The following TCF3 variants were observed in gnomAD, a reference collection of about 807,000 sequenced individuals.
The protein encoded by TCF3 is transcription factor E2-alpha.
A neutral mutation model predicts 72.3 loss-of-function variants in TCF3; 54 were observed. The observed-to-expected ratio is 0.75, with a 90% CI of 0.60 to 0.94. The LOEUF (loss-of-function observed/expected upper bound fraction) is 0.94, where lower values mean the gene tolerates loss of function less well. TCF3 is among the 40% of genes least tolerant of loss of function. The probability of loss-of-function intolerance (pLI) is 0.00; values close to 1 mark genes in which losing one functional copy is unlikely to be tolerated. For missense variants in TCF3, 1,078 were observed against 934.4 expected, an observed-to-expected ratio of 1.15 and a Z score of -2.00; for synonymous variants, 525 against 412.6, an observed-to-expected ratio of 1.27 and a Z score of -3.30.
chr19:1,621,069 T>G (rs770608264), intron 12 of TCF3, 23 bp from the exon 13 acceptor site: 1 of 1,522,558 alleles, frequency 6.6e-7, no homozygotes, highest in Non-Finnish European at 8.9e-7. Flanking sequence ...CCAGGAGAGA[T>G]GGGCGGTCAG....
chr19:1,619,158 T>G lies in TCF3; in HGVS notation c.1403A>C (p.Gln468Pro), dbSNP rs1392370792. The change falls in exon 16 of 19, where the codon CAG becomes CCG. Residue 468 changes from glutamine to proline, a missense_variant. By Grantham distance (76) the Gln-to-Pro change is moderately conservative. Transcript: ENST00000262965. ...AGACAGGTCAGGGAGGGTGCCTGGC[T>G]GGCTGGGGAGGGCCGCGTGGTTGTG... is the stretch of plus-strand genomic sequence containing the variant. Reference protein sequence around the residue: ...LMHNHAALPSQPGTLPDLSRP... With the variant: ...LMHNHAALPSPPGTLPDLSRP... 1 of 1,600,232 alleles carries G rather than the reference T, an allele frequency of 6.2e-7. No individual in the cohort carries two copies. Among genetic ancestry groups the G allele is most frequent in the Admixed American group, 1.7e-5 (1 of 60,000 alleles).
At chr19:1,637,364 C>G (rs1051810501) in intron 3 of TCF3, among the ~76,000 whole-genome samples, 1 of 152,196 alleles carries the variant, frequency 6.6e-6, no homozygotes, top group Non-Finnish European at 1.5e-5. Flanking sequence ...CCTTCTCCCC[C>G]AGAAGCAGGG....
chr19:1,619,000 G>GA (rs2061851790), intron 16 of TCF3, 111 bp downstream of exon 16: 1 of 1,531,278 alleles, frequency 6.5e-7, no homozygotes, highest in African/African-American at 1.4e-5. Flanking sequence ...GTCACCAGGT[G>GA]CCCCCACGGT....
rs1351326636 is a variant in TCF3, at chr19:1,622,042, C to T, written c.822+12G>A. ...CCTCCGCCCACCCCCTGCCCCCTGCCCTGGGTCCTACCATACGCTCGTGCT... is the reference window on the plus strand; with the variant it reads ...CCTCCGCCCACCCCCTGCCCCCTGCTCTGGGTCCTACCATACGCTCGTGCT... On this transcript the variant is annotated intron_variant, in intron 10 of 18. Transcript: ENST00000262965. The T allele has an allele frequency of 1.9e-6, 3 of 1,600,458 alleles. No homozygotes were observed. Among genetic ancestry groups the T allele is most frequent in the Admixed American group, 1.7e-5 (1 of 58,628 alleles).
rs372390194 is a variant in TCF3, at chr19:1,646,830, G to A, written c.73-403C>T. ...TTTACGTTTCAGCTCTGAAAAGTGA[G>A]AGGTTTACACTCAACAGGTGGACAT... On this transcript the variant is annotated intron_variant, in intron 2 of 18. Transcript: ENST00000262965. 5.0e-4 allele frequency among the ~76,000 whole-genome samples: 76 copies of A among 152,340 alleles called. 1 individual carries two copies. The East Asian group carries it at 8.3e-3, about 17-fold the overall frequency.
At chr19:1,644,756 A>G (rs1485322906) in intron 3 of TCF3, among the ~76,000 whole-genome samples, 1 of 152,130 alleles carries the variant, frequency 6.6e-6, no homozygotes, top group African/African-American at 2.4e-5. Flanking sequence ...GGTCCGTGCC[A>G]GGGCTGAGGG....
chr19:1,652,286 C>G lies in TCF3; in HGVS notation c.-40+14G>C, dbSNP rs2067254316. Reference sequence around the variant, plus strand: ...GGGGTACCGGGCGCGCCCCCCGCCCCCCGCCGGGCTCACCTGCTGGGCGCG... The same window carrying G: ...GGGGTACCGGGCGCGCCCCCCGCCCGCCGCCGGGCTCACCTGCTGGGCGCG... On this transcript the variant is annotated intron_variant, in intron 1 of 18. Coordinates refer to ENST00000262965, the MANE Select transcript of TCF3 (RefSeq NM_003200.5). 6.8e-6 allele frequency: 1 copy of G among 146,506 alleles called. No individual in the cohort carries two copies. The highest frequency in any genetic ancestry group is 2.1e-4 in the South Asian group (1 of 4,728). The allele number at this position is 146,506 out of a possible 1,614,324, so 9.1% of individuals were successfully genotyped here.
At chr19:1,611,890 G>A in intron 18 of TCF3, 41 bp from the exon 19 acceptor site, 4 of 1,376,976 alleles carry the variant, frequency 2.9e-6, no homozygotes, top group East Asian at 8.2e-5. Flanking sequence ...ACGGTCCCAG[G>A]GAGGAGAAAG....
At chr19:1,631,480 G>A (rs1371642406) in intron 5 of TCF3, among the ~76,000 whole-genome samples, 2 of 152,008 alleles carry the variant, frequency 1.3e-5, no homozygotes, top group African/African-American at 4.8e-5. Flanking sequence ...TGTTGGCCAG[G>A]CTGGTCTCAA....
intron 7 of TCF3, 77 bp from the exon 8 acceptor site, chr19:1,624,077 C>T: frequency 1.4e-6 from 2 of 1,431,856 alleles, no homozygotes; most frequent in South Asian, 1.2e-5. Flanking sequence ...GAGGAGAGAC[C>T]CTCACAATTC....
Position 1,619,724 on chromosome 19 carries a change from G to A in TCF3, c.1167+56C>T, listed in dbSNP as rs574764946. 64 of 1,257,394 alleles carry A rather than the reference G, an allele frequency of 5.1e-5. No individual in the cohort carries two copies. In the East Asian group the frequency reaches 1.4e-3, roughly 27 times the overall value. The allele number at this position is 1,257,394 out of a possible 1,614,324, so 77.9% of individuals were successfully genotyped here. On this transcript the variant is annotated intron_variant, in intron 14 of 18. Coordinates refer to ENST00000262965, the MANE Select transcript of TCF3 (RefSeq NM_003200.5). ...AAAAGGTTTCTCCTTCTCAAGGAGC[G>A]TCTGTCCTGCAAATTCTGTCGGGGA... is the stretch of plus-strand genomic sequence containing the variant.
intron 3 of TCF3, among the ~76,000 whole-genome samples, chr19:1,641,200 G>GA (rs892080040): frequency 5.3e-4 from 76 of 143,734 alleles, no homozygotes; most frequent in East Asian, 3.0e-3. Flanking sequence ...GCAATAAAAA[G>GA]AAAAAAAAAA....
At chr19:1,646,847 G>A (rs1047860312) in intron 2 of TCF3, among the ~76,000 whole-genome samples, 5 of 152,228 alleles carry the variant, frequency 3.3e-5, no homozygotes, top group East Asian at 1.9e-4. Flanking sequence ...ACACTCAACA[G>A]GTGGACATGT....
At position 1,645,301 on chromosome 19, in the gene TCF3, T is replaced by C. The variant is rs1941606387; in HGVS notation, c.145+1054A>G. On this transcript the variant is annotated intron_variant, in intron 3 of 18. Coordinates refer to ENST00000262965, the MANE Select transcript of TCF3 (RefSeq NM_003200.5). Reference sequence around the variant, plus strand: ...CCCACTCCCCGGAAAGATGCTGATGTCCACAAAGAGACCCGTGGCTCTGAA... The same window carrying C: ...CCCACTCCCCGGAAAGATGCTGATGCCCACAAAGAGACCCGTGGCTCTGAA... Among the ~76,000 whole-genome samples, 7 of 151,928 alleles carry C rather than the reference T, an allele frequency of 4.6e-5. No individual in the cohort carries two copies. In the South Asian group the frequency reaches 1.0e-3, roughly 22 times the overall value.
At chr19:1,641,673 G>C (rs2145393589) in intron 3 of TCF3, among the ~76,000 whole-genome samples, 1 of 152,052 alleles carries the variant, frequency 6.6e-6, no homozygotes, top group African/African-American at 2.4e-5. Context: ...GGCTGGTCTT[G>C]AACTCCTGGC....
Position 1,615,541 on chromosome 19 carries a change from G to A in TCF3, c.1587-21C>T. ...CTGGGCTATGGGGAGGGCGCCGGGAGGGGGCCAGAGGGAGACAGTGAGGTT... is the reference window on the plus strand; with the variant it reads ...CTGGGCTATGGGGAGGGCGCCGGGAAGGGGCCAGAGGGAGACAGTGAGGTT... On this transcript the variant is annotated intron_variant, in intron 17 of 18. Coordinates refer to ENST00000262965, the MANE Select transcript of TCF3 (RefSeq NM_003200.5). The surrounding 1 kb of genome is among the most constrained non-coding windows in gnomAD (Gnocchi z 7.3). The A allele has an allele frequency of 6.2e-7, 1 of 1,605,040 alleles. No individual in the cohort carries two copies. The highest frequency in any genetic ancestry group is 2.2e-5 in the East Asian group (1 of 44,864).
At position 1,615,623 on chromosome 19, in the gene TCF3, GGCCTGT is replaced by G. The variant is rs764917828; in HGVS notation, c.1586+57_1586+62del. ...CCCAGTGTGGGTGCGGTGTGCGTGT[GGCCTGT>G]GCACATGTGCGTCCTGATGGGGTGA... On this transcript the variant is annotated intron_variant, in intron 17 of 18. Transcript: ENST00000262965. The surrounding 1 kb of genome is among the most constrained non-coding windows in gnomAD (Gnocchi z 7.3). 6.2e-7 allele frequency: 1 copy of G among 1,611,018 alleles called. No individual in the cohort carries two copies. Among genetic ancestry groups the G allele is most frequent in the Non-Finnish European group, 8.5e-7 (1 of 1,179,784 alleles).
rs2060846773 is a variant in TCF3, at chr19:1,609,577, A to C, written c.*2130T>G. 1 of 215,340 alleles carries C rather than the reference A, an allele frequency of 4.6e-6. No individual in the cohort carries two copies. The highest frequency in any genetic ancestry group is 5.9e-5 in the Admixed American group (1 of 17,068). 13.3% of individuals were successfully genotyped at this position (215,340 alleles called of 1,614,324 possible). A position where few individuals can be genotyped will look rare whatever the true frequency, so the allele number is the denominator to read the frequency against. ...TGCAGAACGCACAGTTCCAGAGGCT[A>C]TGGGGCCACTGCCCACCCAGACCTA... is the stretch of plus-strand genomic sequence containing the variant. On this transcript the variant is annotated 3_prime_UTR_variant, in exon 19 of 19. Transcript: ENST00000262965.
intron 3 of TCF3, among the ~76,000 whole-genome samples, chr19:1,644,224 G>T (rs752215230): frequency 9.2e-5 from 14 of 152,246 alleles, no homozygotes; most frequent in Admixed American, 3.9e-4. Context: ...GAGAGCAGGT[G>T]CCCATCTTGC....
Sources: gnomAD v4.1 joint callset for allele counts (sites outside exome capture counted in the v4.1 genomes callset) on GRCh38, gnomAD v4.1.1 for gene constraint, Gnocchi (gnomAD v3.1) non-coding constraint, MANE v1.5 for transcripts, NCBI Gene and HGNC (gene_info 2026-07-23, HGNC 2026-07-21) for gene names.